The following ARHGEF15 variants were observed in gnomAD, a reference collection of about 807,000 sequenced individuals.
The protein encoded by ARHGEF15 is Rho guanine nucleotide exchange factor 15.
ARHGEF15 carries 58 observed loss-of-function variants against 79.7 expected under a neutral mutation model. The observed-to-expected ratio is 0.73, with a 90% CI of 0.59 to 0.91. The LOEUF (loss-of-function observed/expected upper bound fraction) is 0.91, where lower values mean the gene tolerates loss of function less well. Ranked by LOEUF, ARHGEF15 falls within the 40% of genes least tolerant of loss-of-function variation. The probability of loss-of-function intolerance (pLI) is 0.00; values close to 1 mark genes in which losing one functional copy is unlikely to be tolerated. For synonymous variants in ARHGEF15, 442 were observed against 456.0 expected (o/e 0.97, Z 0.39); for missense variants, 1,012 against 1,108.1 (o/e 0.91, Z 1.23).
chr17:8,322,345 A>C lies in ARHGEF15; in HGVS notation c.*1352A>C, dbSNP rs539449649. The C allele has an allele frequency of 2.2e-4, 34 of 152,484 alleles. No individual in the cohort carries two copies. The highest frequency in any genetic ancestry group is 3.5e-4 in the Non-Finnish European group (24 of 68,128). 9.4% of individuals were successfully genotyped at this position (152,484 alleles called of 1,614,324 possible). On this transcript the variant is annotated 3_prime_UTR_variant, in exon 16 of 16. Transcript: ENST00000361926. ...GCCTCCCCTTCAGCTCAGGCACAGC[A>C]ACTTGCCCAGGACTGACACTGTCAC...
At chr17:8,319,781 G>T (rs1398803722) in intron 15 of ARHGEF15, among the ~76,000 whole-genome samples, 178 bp downstream of exon 15, 1 of 151,994 alleles carries the variant, frequency 6.6e-6, no homozygotes, top group Middle Eastern at 3.2e-3. Context: ...GATTACAGGT[G>T]CCCACCACCA....
Position 8,312,656 on chromosome 17 carries a change from G to A in ARHGEF15, c.601+16G>A. 6.2e-7 allele frequency: 1 copy of A among 1,611,386 alleles called. No homozygotes were observed. The highest frequency in any genetic ancestry group is 8.5e-7 in the Non-Finnish European group (1 of 1,179,802). ...GGTGCTCCAGGTGAGTGTGGCGGGT[G>A]GGGGGCGCTGGGTGACCTCAATCCA... On this transcript the variant is annotated intron_variant, in intron 2 of 15. Coordinates refer to ENST00000361926, the MANE Select transcript of ARHGEF15 (RefSeq NM_173728.4).
chr17:8,310,676 C>T (rs1485810781), intron 1 of ARHGEF15: 1 of 152,534 alleles, frequency 6.6e-6, no homozygotes, highest in Non-Finnish European at 1.5e-5. Context: ...TTCAGCTTTT[C>T]CCCAGACCCC....
intron 15 of ARHGEF15, 34 bp from the exon 16 acceptor site, chr17:8,320,808 C>G (rs1448271641): frequency 6.2e-6 from 10 of 1,608,840 alleles, no homozygotes; most frequent in Non-Finnish European, 5.1e-6. Flanking sequence ...TCCCTGCCCC[C>G]ACCTCATTGG....
At position 8,312,378 on chromosome 17, in the gene ARHGEF15, TC is replaced by T; in HGVS notation, c.343del (p.Arg115GlyfsTer67). ...GGCGCTCCGCCTCCCCAGAACCTGC[TC>T]CCCGGTCTCCAGTCCCCCCACCCAA... is the stretch of plus-strand genomic sequence containing the variant. The part of the protein sequence containing the change: ...SRRSASPEPA[P>X]RSPVPPPKPS... On this transcript the variant is annotated frameshift_variant, in exon 2 of 16. Transcript: ENST00000361926. LOFTEE classifies it high-confidence loss of function. 2 of 1,607,924 alleles carry T rather than the reference TC, an allele frequency of 1.2e-6. No individual in the cohort carries two copies. Among genetic ancestry groups the T allele is most frequent in the Non-Finnish European group, 1.7e-6 (2 of 1,177,206 alleles).
Position 8,315,745 on chromosome 17 carries a change from A to T in ARHGEF15, c.1422-10A>T, listed in dbSNP as rs769854480. The T allele has an allele frequency of 1.9e-6, 3 of 1,608,602 alleles. No individual in the cohort carries two copies. Among genetic ancestry groups the T allele is most frequent in the South Asian group, 1.1e-5 (1 of 90,924 alleles). On this transcript the variant is annotated splice_polypyrimidine_tract_variant and intron_variant, in intron 7 of 15. Coordinates refer to ENST00000361926, the MANE Select transcript of ARHGEF15 (RefSeq NM_173728.4). The surrounding 1 kb of genome is among the most constrained non-coding windows in gnomAD (Gnocchi z 4.3). Reference sequence around the variant, plus strand: ...CCCCGCCCCATTGCTTGCTTCCCCAATTCCTTCAGGTTTCTAGCAACGCTC... The same window carrying T: ...CCCCGCCCCATTGCTTGCTTCCCCATTTCCTTCAGGTTTCTAGCAACGCTC...
rs777602993 is a variant in ARHGEF15, at chr17:8,320,847, C to T, written c.2380C>T (p.Leu794=). 1 of 1,612,476 alleles carries T rather than the reference C, an allele frequency of 6.2e-7. No homozygotes were observed. The highest frequency in any genetic ancestry group is 1.1e-5 in the South Asian group (1 of 91,000). Reference sequence around the variant, plus strand: ...CTCTGTCTCTCTTCCCCCAGGTTGGCTGAAGGGGCTTCCTGGGGCCTTCCC... The same window carrying T: ...CTCTGTCTCTCTTCCCCCAGGTTGGTTGAAGGGGCTTCCTGGGGCCTTCCC... ...KHLHKTPEGW[L]KGLPGAFPAQ... Residue 794 remains leucine, a synonymous_variant, in exon 16 of 16, where the codon CTG becomes TTG. Transcript: ENST00000361926.
At chr17:8,320,134 C>A (rs1190994362) in intron 15 of ARHGEF15, among the ~76,000 whole-genome samples, 1 of 152,124 alleles carries the variant, frequency 6.6e-6, no homozygotes, top group East Asian at 1.9e-4. Flanking sequence ...AAGTGCCACT[C>A]GCTGTTCTAG....
Position 8,313,315 on chromosome 17 carries a change from A to G in ARHGEF15, c.934+61A>G, listed in dbSNP as rs1597461770. The G allele has an allele frequency of 1.9e-6, 3 of 1,553,240 alleles. No homozygotes were observed. In the South Asian group the frequency reaches 3.6e-5, roughly 19 times the overall value. On this transcript the variant is annotated intron_variant, in intron 3 of 15. Transcript: ENST00000361926. The stretch of plus-strand genomic sequence containing the variant: ...AGGGGACAGGAGAGAGGCAGGGGGG[A>G]ACTAAAGCCCAGCAAACTACAATCC...
intron 1 of ARHGEF15, among the ~76,000 whole-genome samples, chr17:8,311,696 C>T (rs958696559): frequency 2.6e-5 from 4 of 151,708 alleles, no homozygotes; most frequent in South Asian, 4.2e-4. Context: ...CACCACACAC[C>T]GTATGCTCCA....
At position 8,318,849 on chromosome 17, in the gene ARHGEF15, C is replaced by T. The variant is rs771609829; in HGVS notation, c.1972C>T (p.Arg658Cys). ...RGGVLFASRP[R>C]FTPLCLLLFS... ...GGGCGTGCTCTTTGCCTCGCGCCCC[C>T]GCTTCACCCCTCTTTGCCTGCTGCT... The change falls in exon 12 of 16, where the codon CGC becomes TGC. Residue 658 changes from arginine to cysteine, a missense_variant. Transcript: ENST00000361926. This position sits in a 1 kb window ranked among gnomAD's most constrained non-coding sequence, Gnocchi z 5.0. 1.1e-5 allele frequency: 17 copies of T among 1,613,320 alleles called. No homozygotes were observed. Among genetic ancestry groups the T allele is most frequent in the Admixed American group, 5.0e-5 (3 of 59,986 alleles).
In ARHGEF15 at chr17:8,318,166, C is replaced by T; in HGVS notation, c.1705-221C>T. 1.8e-6 allele frequency: 1 copy of T among 553,184 alleles called. No homozygotes were observed. Among genetic ancestry groups the T allele is most frequent in the South Asian group, 2.6e-5 (1 of 38,102 alleles). 34.3% of individuals were successfully genotyped at this position (553,184 alleles called of 1,614,324 possible). A position where few individuals can be genotyped will look rare whatever the true frequency, so the allele number is the denominator to read the frequency against. On this transcript the variant is annotated intron_variant, in intron 9 of 15. Coordinates refer to ENST00000361926, the MANE Select transcript of ARHGEF15 (RefSeq NM_173728.4). This position sits in a 1 kb window ranked among gnomAD's most constrained non-coding sequence, Gnocchi z 5.0. ...GCCTTCTTGAATCCTCAAAACAATG[C>T]TATTGATATGCTAGGTGGGTATTAG...
At position 8,318,595 on chromosome 17, in the gene ARHGEF15, T is replaced by C. The variant is rs775649731; in HGVS notation, c.1805T>C (p.Val602Ala). ...SKIIERCSAE[V>A]GRMKQTEELI... The stretch of plus-strand genomic sequence containing the variant: ...ATCATCGAGCGTTGCAGCGCTGAGG[T>C]GGGGCGCATGAAGCAGACTGAAGAG... The change falls in exon 11 of 16, where the codon GTG becomes GCG. Residue 602 changes from valine to alanine, a missense_variant. By Grantham distance (64) the Val-to-Ala change is moderately conservative (BLOSUM62 0). Around this residue, in one of 3 missense-constraint regions of ARHGEF15, gnomAD observed 818 missense variants for 882.5 expected, o/e 0.93. Coordinates refer to ENST00000361926, the MANE Select transcript of ARHGEF15 (RefSeq NM_173728.4). The surrounding 1 kb of genome is among the most constrained non-coding windows in gnomAD (Gnocchi z 5.0). 8 of 1,613,444 alleles carry C rather than the reference T, an allele frequency of 5.0e-6. No individual in the cohort carries two copies. The highest frequency in any genetic ancestry group is 6.8e-6 in the Non-Finnish European group (8 of 1,179,644).
intron 14 of ARHGEF15, 43 bp downstream of exon 14, chr17:8,319,437 C>T (rs1247526884): frequency 6.3e-7 from 1 of 1,599,084 alleles, no homozygotes; most frequent in African/African-American, 1.3e-5. Context: ...AAAAGCGAGT[C>T]TTAGAGGAAT....
At position 8,319,313 on chromosome 17, in the gene ARHGEF15, T is replaced by A; in HGVS notation, c.2188T>A (p.Ser730Thr). ...THRLLQASSL[S>T]DMQRWLGAFP... ...GACACTTCCCAATATCCCCACCAGATCAGACATGCAGCGCTGGCTGGGAGC... is the reference window on the plus strand; with the variant it reads ...GACACTTCCCAATATCCCCACCAGAACAGACATGCAGCGCTGGCTGGGAGC... The change falls in exon 14 of 16, where the codon TCA (serine) becomes ACA (threonine). Residue 730 changes from serine (S) to threonine (T), a missense_variant and splice_region_variant. Transcript: ENST00000361926. 4 of 1,613,746 alleles carry A rather than the reference T, an allele frequency of 2.5e-6. No individual in the cohort carries two copies. In the East Asian group the frequency reaches 8.9e-5, roughly 36 times the overall value.
chr17:8,312,192 T>A lies in ARHGEF15; in HGVS notation c.153T>A (p.Asn51Lys). ...CACAAGAACTACCCCGAAACTCCAA[T>A]GATGCACCAACCCCAATGTGCACCC... Reference protein sequence around the residue: ...SSPQELPRNSNDAPTPMCTPI... With the variant: ...SSPQELPRNSKDAPTPMCTPI... The change falls in exon 2 of 16, where the codon AAT (asparagine) becomes AAA (lysine). Residue 51 changes from asparagine (N) to lysine (K), a missense_variant. Asn to Lys is a moderately conservative substitution (Grantham distance 94). This residue lies in a region of ARHGEF15 where 818 missense variants were observed against 882.5 expected (regional missense o/e 0.93). Transcript: ENST00000361926. The A allele has an allele frequency of 1.3e-6, 2 of 1,563,842 alleles. No homozygotes were observed. The highest frequency in any genetic ancestry group is 1.7e-6 in the Non-Finnish European group (2 of 1,147,074).
Position 8,319,586 on chromosome 17 carries a change from T to C in ARHGEF15, c.2357T>C (p.Leu786Pro), listed in dbSNP as rs374294639. 3.8e-6 allele frequency: 6 copies of C among 1,587,852 alleles called. No homozygotes were observed. Among genetic ancestry groups the C allele is most frequent in the Non-Finnish European group, 5.1e-6 (6 of 1,172,802 alleles). Residue 786 changes from leucine (L) to proline (P), a missense_variant, in exon 15 of 16, where the codon CTG becomes CCG. Leu to Pro is a moderately conservative substitution (Grantham distance 98). Coordinates refer to ENST00000361926, the MANE Select transcript of ARHGEF15 (RefSeq NM_173728.4). Reference protein sequence around the residue: ...SLESRAAPKHLHKTPEGWLKG... With the variant: ...SLESRAAPKHPHKTPEGWLKG... ...GAGTCCAGGGCTGCCCCCAAACACC[T>C]GCACAAGACCCCTGAAGGTGAGAAA...
At chr17:8,311,599 A>G (rs988723232) in intron 1 of ARHGEF15, among the ~76,000 whole-genome samples, 2 of 151,890 alleles carry the variant, frequency 1.3e-5, no homozygotes, top group Non-Finnish European at 2.9e-5. Context: ...CGGCACCCAG[A>G]CCCAGACAGC....
chr17:8,313,363 C>T (rs540901333), intron 3 of ARHGEF15, 109 bp downstream of exon 3: 3 of 1,493,804 alleles, frequency 2.0e-6, no homozygotes, highest in Admixed American at 3.8e-5. Context: ...GGGCTCTTTG[C>T]TTCCCCACCA....
Sources: gnomAD v4.1 joint callset for allele counts (sites outside exome capture counted in the v4.1 genomes callset) on GRCh38, gnomAD v4.1.1 for gene constraint, gnomAD v4.1.1 regional missense constraint, Gnocchi (gnomAD v3.1) non-coding constraint, MANE v1.5 for transcripts, NCBI Gene and HGNC (gene_info 2026-07-23, HGNC 2026-07-21) for gene names.